SEZ6L: variants seen among roughly 807,000 people sequenced by gnomAD.
The protein encoded by SEZ6L is seizure 6-like protein.
Under a neutral mutation model 106.2 loss-of-function variants are expected in SEZ6L, and 37 were observed. That is an observed-to-expected ratio of 0.35 (90% CI 0.27 to 0.46). SEZ6L has a LOEUF of 0.46. Among genes scored for constraint, SEZ6L ranks in the 20% least tolerant of loss-of-function variants. The pLI is 1.00. For missense variants in SEZ6L, 1,172 were observed against 1,332.8 expected (o/e 0.88, Z 1.88); for synonymous variants, 541 against 570.4 (o/e 0.95, Z 0.73).
At chr22:26,238,628 G>T (rs2079021478) in intron 1 of SEZ6L, among the ~76,000 whole-genome samples, 1 of 152,188 alleles carries the variant, frequency 6.6e-6, no homozygotes, top group South Asian at 2.1e-4. Flanking sequence ...AATACCTGCT[G>T]TTTTTTGGGC....
intron 1 of SEZ6L, among the ~76,000 whole-genome samples, chr22:26,256,506 G>A (rs78611055): frequency 0.01 from 1,599 of 152,304 alleles, 19 homozygotes; most frequent in African/African-American, 0.034. Flanking sequence ...CTGAAACATT[G>A]GAATCACCTG....
chr22:26,215,708 C>T (rs1434450426), intron 1 of SEZ6L, among the ~76,000 whole-genome samples: 1 of 152,196 alleles, frequency 6.6e-6, no homozygotes, highest in African/African-American at 2.4e-5. Context: ...ATTTCATAGA[C>T]TGAAGGTTGT....
At chr22:26,248,610 C>T (rs1482415043) in intron 1 of SEZ6L, among the ~76,000 whole-genome samples, 1 of 152,208 alleles carries the variant, frequency 6.6e-6, no homozygotes, top group East Asian at 1.9e-4. Context: ...CCGTGAATCA[C>T]GGGATCCAGG....
chr22:26,294,571 GAGT>G, intron 3 of SEZ6L, 146 bp downstream of exon 3: 2 of 709,172 alleles, frequency 2.8e-6, no homozygotes, highest in South Asian at 2.0e-5. Context: ...TTTGGCGAAT[GAGT>G]AGGAGTTCTT....
intron 1 of SEZ6L, among the ~76,000 whole-genome samples, chr22:26,255,394 TG>T (rs1460545886): frequency 6.6e-6 from 1 of 152,220 alleles, no homozygotes; most frequent in Non-Finnish European, 1.5e-5. Context: ...TCCCCTCTGC[TG>T]TGTAAACATT....
chr22:26,246,254 A>G (rs1441709488), intron 1 of SEZ6L, among the ~76,000 whole-genome samples: 2 of 152,228 alleles, frequency 1.3e-5, no homozygotes, highest in Non-Finnish European at 1.5e-5. Context: ...CCCTTGTAAG[A>G]CACAGCCTCT....
At chr22:26,188,858 C>T (rs1444132337) in intron 1 of SEZ6L, among the ~76,000 whole-genome samples, 1 of 152,046 alleles carries the variant, frequency 6.6e-6, no homozygotes, top group African/African-American at 2.4e-5. Flanking sequence ...TTTTATAGTA[C>T]CAGCAGTAAA....
At chr22:26,330,232 G>A (rs1365337323) in intron 9 of SEZ6L, among the ~76,000 whole-genome samples, 2 of 152,170 alleles carry the variant, frequency 1.3e-5, no homozygotes, top group South Asian at 2.1e-4. Context: ...TTCCAACGAC[G>A]TCTGTTTGGA....
chr22:26,298,115 C>T (rs535784862), intron 4 of SEZ6L, among the ~76,000 whole-genome samples: 1 of 152,326 alleles, frequency 6.6e-6, no homozygotes, highest in Admixed American at 6.5e-5. Flanking sequence ...TGGATGACTG[C>T]AAAGGGGAGT....
chr22:26,295,652 A>G (rs2081279750), intron 3 of SEZ6L, among the ~76,000 whole-genome samples: 1 of 152,188 alleles, frequency 6.6e-6, no homozygotes, highest in Non-Finnish European at 1.5e-5. Context: ...CATGAAGAGT[A>G]TTGGACCCAG....
chr22:26,228,808 A>G (rs2078711192), intron 1 of SEZ6L, among the ~76,000 whole-genome samples: 1 of 152,198 alleles, frequency 6.6e-6, no homozygotes, highest in East Asian at 1.9e-4. Flanking sequence ...ACGGCTATTC[A>G]TTGGCTGCAC....
intron 5 of SEZ6L, among the ~76,000 whole-genome samples, chr22:26,305,013 G>A (rs567623005): frequency 5.3e-5 from 8 of 152,192 alleles, no homozygotes; most frequent in Non-Finnish European, 1.0e-4. Flanking sequence ...TTGCTTCTCC[G>A]CTACAAACCT....
At chr22:26,353,402 A>C (rs1388228579) in intron 12 of SEZ6L, among the ~76,000 whole-genome samples, 1 of 152,228 alleles carries the variant, frequency 6.6e-6, no homozygotes, top group Non-Finnish European at 1.5e-5. Flanking sequence ...ACTGATATTC[A>C]GAGGGAAGTA....
At chr22:26,312,230 C>T (rs192422353) in intron 8 of SEZ6L, among the ~76,000 whole-genome samples, 1 of 152,248 alleles carries the variant, frequency 6.6e-6, no homozygotes, top group Non-Finnish European at 1.5e-5. Flanking sequence ...GCATGGATTT[C>T]AGCTCCTAAA....
At position 26,370,085 on chromosome 22, in the gene SEZ6L, G is replaced by GT. The variant is rs1198942675; in HGVS notation, c.2795-3360dup. ...CAGGGAAGAAAAATTAGCAGGATTT[G>GT]TTTTTTAAGAAACCTTGGCCGGCGC... On this transcript the variant is annotated intron_variant, in intron 13 of 16. Transcript: ENST00000248933. Among the ~76,000 whole-genome samples the GT allele has an allele frequency of 2.0e-5, 3 of 151,124 alleles. No individual in the cohort carries two copies. In the East Asian group the frequency reaches 6.0e-4, roughly 30 times the overall value.
intron 12 of SEZ6L, among the ~76,000 whole-genome samples, chr22:26,356,249 A>G (rs1216259859): frequency 6.6e-6 from 1 of 152,236 alleles, no homozygotes; most frequent in Non-Finnish European, 1.5e-5. Context: ...GTTAGGTACA[A>G]ACAACTGAAT....
chr22:26,326,123 C>A (rs2082299271), intron 9 of SEZ6L, among the ~76,000 whole-genome samples: 1 of 152,174 alleles, frequency 6.6e-6, no homozygotes, highest in African/African-American at 2.4e-5. Context: ...AGGTCCTCCA[C>A]CAACACATGC....
intron 12 of SEZ6L, among the ~76,000 whole-genome samples, chr22:26,357,647 A>G (rs2083482213): frequency 1.3e-5 from 2 of 152,218 alleles, no homozygotes; most frequent in Non-Finnish European, 2.9e-5. Context: ...AAATATATAT[A>G]TAGAATAAAC....
chr22:26,328,614 C>A (rs556178624), intron 9 of SEZ6L, among the ~76,000 whole-genome samples: 1 of 152,090 alleles, frequency 6.6e-6, no homozygotes, highest in African/African-American at 2.4e-5. Context: ...GCCAGAGCCT[C>A]GCCCACTGCC....
Sources: allele counts gnomAD v4.1 joint callset (sites outside exome capture counted in the v4.1 genomes callset), GRCh38; gene constraint gnomAD v4.1.1; transcripts MANE v1.5; gene names NCBI Gene and HGNC (gene_info 2026-07-23, HGNC 2026-07-21).